Variants in PROSER2 observed in about 807,000 individuals in gnomAD.
The protein encoded by PROSER2 is proline and serine-rich protein 2.
PROSER2 carries 18 observed loss-of-function variants against 14.6 expected under a neutral mutation model. The observed-to-expected ratio is 1.23, with a 90% CI of 0.85 to 1.83. PROSER2 has a LOEUF of 1.83. Ranked by LOEUF, PROSER2 falls within the 40% of genes most tolerant of loss-of-function variation. The pLI is 0.00. For missense variants in PROSER2, 823 were observed against 629.8 expected (o/e 1.31, Z -3.28); for synonymous variants, 367 against 286.4 (o/e 1.28, Z -2.84).
rs1190620560 is a variant in PROSER2, at chr10:11,836,198, A to AT, written c.-82+12736dup. Among the ~76,000 whole-genome samples, 2 of 151,084 alleles carry AT rather than the reference A, an allele frequency of 1.3e-5. No homozygotes were observed. Among genetic ancestry groups the AT allele is most frequent in the Non-Finnish European group, 1.5e-5 (1 of 67,692 alleles). On this transcript the variant is annotated intron_variant, in intron 1 of 3. Coordinates refer to ENST00000277570, the MANE Select transcript of PROSER2 (RefSeq NM_153256.4). This position sits in a 1 kb window ranked among gnomAD's most constrained non-coding sequence, Gnocchi z 4.6. Reference sequence around the variant, plus strand: ...AGGCGTCCACCACTATGCCCGGCTAATTTTTTTTATTTTTTTGAGACAGAG... The same window carrying AT: ...AGGCGTCCACCACTATGCCCGGCTAATTTTTTTTTATTTTTTTGAGACAGAG...
At chr10:11,859,072 G>A (rs1477571489) in intron 2 of PROSER2, among the ~76,000 whole-genome samples, 3 of 142,872 alleles carry the variant, frequency 2.1e-5, no homozygotes, top group Non-Finnish European at 4.5e-5. Flanking sequence ...AACATCTGAA[G>A]ATGTGTATCC....
At chr10:11,841,795 A>G (rs1833848789) in intron 1 of PROSER2, among the ~76,000 whole-genome samples, 1 of 152,210 alleles carries the variant, frequency 6.6e-6, no homozygotes, top group African/African-American at 2.4e-5. Context: ...ACCCCATGTC[A>G]TCAGTTCTCC....
chr10:11,843,303 A>G (rs1833876527), intron 1 of PROSER2, among the ~76,000 whole-genome samples: 2 of 151,004 alleles, frequency 1.3e-5, no homozygotes, highest in South Asian at 4.3e-4. Flanking sequence ...CTGTAATCCC[A>G]GCACTTTGGG....
chr10:11,834,297 G>C (rs1289703231), intron 1 of PROSER2, among the ~76,000 whole-genome samples: 2 of 151,536 alleles, frequency 1.3e-5, no homozygotes. Flanking sequence ...CTGGCCATGA[G>C]TAGCACTTTC....
intron 1 of PROSER2, among the ~76,000 whole-genome samples, chr10:11,829,877 T>C (rs1833668496): frequency 7.9e-6 from 1 of 127,096 alleles, no homozygotes; most frequent in African/African-American, 2.9e-5. Flanking sequence ...CAAGTCTCGC[T>C]CTGTCACCCA....
chr10:11,854,094 C>T (rs1490282416), intron 2 of PROSER2, among the ~76,000 whole-genome samples: 2 of 152,172 alleles, frequency 1.3e-5, no homozygotes, highest in African/African-American at 2.4e-5. Flanking sequence ...GCATATCCAG[C>T]CTTAGACCTG....
intron 1 of PROSER2, among the ~76,000 whole-genome samples, chr10:11,845,620 C>T (rs934070550): frequency 1.3e-5 from 2 of 152,132 alleles, no homozygotes; most frequent in East Asian, 3.9e-4. Context: ...CAGCAACACT[C>T]GGTAGCTGTT....
chr10:11,852,684 ATTTTTTT>A (rs33939695), intron 2 of PROSER2, among the ~76,000 whole-genome samples: 2 of 98,024 alleles, frequency 2.0e-5, no homozygotes, highest in African/African-American at 8.2e-5. Context: ...ACACCCGGCT[ATTTTTTT>A]TTTTTTTTTT....
intron 1 of PROSER2, among the ~76,000 whole-genome samples, chr10:11,827,980 T>TA: frequency 6.6e-6 from 1 of 152,146 alleles, no homozygotes; most frequent in Non-Finnish European, 1.5e-5. Flanking sequence ...CTCTTTTTGA[T>TA]ACATGTCTCT....
intron 1 of PROSER2, among the ~76,000 whole-genome samples, chr10:11,843,003 C>T (rs61846310): frequency 0.072 from 9,714 of 134,234 alleles, 414 homozygotes; most frequent in East Asian, 0.11. Context: ...TGCTGTGGCA[C>T]GATCTCGGCT....
At chr10:11,858,641 T>C (rs1411508042) in intron 2 of PROSER2, among the ~76,000 whole-genome samples, 2 of 152,156 alleles carry the variant, frequency 1.3e-5, no homozygotes, top group Admixed American at 6.5e-5. Context: ...TAAAAATACA[T>C]TGCTCACATT....
At position 11,870,408 on chromosome 10, in the gene PROSER2, G is replaced by GGCCGCGCGCGC; in HGVS notation, c.*10_*11insCGCGCCGCGCG. ...GGGCTGCTCAGGGAGAGTTCGTGAGGGCCGCGCGGGCTCCAGTCCACCCCG... is the reference window on the plus strand; with the variant it reads ...GGGCTGCTCAGGGAGAGTTCGTGAGGGCCGCGCGCGCGCCGCGCGGGCTCCAGTCCACCCCG... On this transcript the variant is annotated 3_prime_UTR_variant, in exon 4 of 4. Coordinates refer to ENST00000277570, the MANE Select transcript of PROSER2 (RefSeq NM_153256.4). The GGCCGCGCGCGC allele has an allele frequency of 6.7e-7, 1 of 1,485,242 alleles. No individual in the cohort carries two copies. The highest frequency in any genetic ancestry group is 8.9e-7 in the Non-Finnish European group (1 of 1,120,874). 92.0% of individuals were successfully genotyped at this position (1,485,242 alleles called of 1,614,324 possible).
intron 2 of PROSER2, among the ~76,000 whole-genome samples, chr10:11,858,823 A>G (rs1481276568): frequency 6.6e-6 from 1 of 151,458 alleles, no homozygotes; most frequent in Non-Finnish European, 1.5e-5. Context: ...AGCCTGGCCA[A>G]TATGGTGAAA....
At chr10:11,849,327 G>A (rs1282929930) in intron 1 of PROSER2, among the ~76,000 whole-genome samples, 1 of 152,214 alleles carries the variant, frequency 6.6e-6, no homozygotes, top group Non-Finnish European at 1.5e-5. Context: ...CTATGTGGCA[G>A]AATCACTTGT....
intron 2 of PROSER2, among the ~76,000 whole-genome samples, chr10:11,859,199 A>T (rs1190324528): frequency 6.6e-6 from 1 of 151,998 alleles, no homozygotes; most frequent in African/African-American, 2.4e-5. Context: ...AGGCGGGTAG[A>T]TCATTTGAGG....
chr10:11,825,875 T>C (rs1254180454), intron 1 of PROSER2, among the ~76,000 whole-genome samples: 2 of 152,182 alleles, frequency 1.3e-5, no homozygotes, highest in African/African-American at 4.8e-5. Flanking sequence ...TCTTTTTTAT[T>C]ATAGTCAAAT....
chr10:11,848,472 C>T (rs1293420011), intron 1 of PROSER2, among the ~76,000 whole-genome samples: 2 of 152,110 alleles, frequency 1.3e-5, no homozygotes, highest in Non-Finnish European at 2.9e-5. Context: ...CCTGGCCCCC[C>T]ACTCTGTTCT....
chr10:11,870,085 C>T lies in PROSER2; in HGVS notation c.987C>T (p.Leu329=). The T allele has an allele frequency of 7.8e-7, 1 of 1,288,688 alleles. No individual in the cohort carries two copies. Among genetic ancestry groups the T allele is most frequent in the Non-Finnish European group, 9.8e-7 (1 of 1,018,700 alleles). 79.8% of individuals were successfully genotyped at this position (1,288,688 alleles called of 1,614,324 possible). A position where few individuals can be genotyped will look rare whatever the true frequency, so the allele number is the denominator to read the frequency against. The change falls in exon 4 of 4, where the codon CTC becomes CTT. Residue 329 remains leucine (L), a synonymous_variant. Coordinates refer to ENST00000277570, the MANE Select transcript of PROSER2 (RefSeq NM_153256.4). Reference sequence around the variant, plus strand: ...GCCTGCCGGGCCCCGCTGAGAGTCTCCGGGCAGGGGGTCAGGCTCCGCGGG... The same window carrying T: ...GCCTGCCGGGCCCCGCTGAGAGTCTTCGGGCAGGGGGTCAGGCTCCGCGGG... ...GRGLPGPAES[L]RAGGQAPRGP...
intron 3 of PROSER2, among the ~76,000 whole-genome samples, chr10:11,867,928 G>A (rs903677528): frequency 3.3e-5 from 5 of 152,200 alleles, no homozygotes; most frequent in African/African-American, 9.7e-5. Flanking sequence ...CTTTTGCCCT[G>A]GTAAGGATAA....
Sources: gnomAD v4.1 joint callset for allele counts (sites outside exome capture counted in the v4.1 genomes callset) on GRCh38, gnomAD v4.1.1 for gene constraint, Gnocchi (gnomAD v3.1) non-coding constraint, MANE v1.5 for transcripts, NCBI Gene and HGNC (gene_info 2026-07-23, HGNC 2026-07-21) for gene names.